Variants in MED12L observed in about 807,000 individuals in gnomAD.
The protein encoded by MED12L is mediator of RNA polymerase II transcription subunit 12-like protein.
In MED12L, 60 loss-of-function variants were observed where a neutral mutation model predicts 281.3. The observed-to-expected ratio is 0.21, with a 90% CI of 0.17 to 0.26. MED12L has a LOEUF of 0.26. MED12L is among the 10% of genes least tolerant of loss of function. The pLI is 1.00. For synonymous variants in MED12L, 974 were observed against 987.2 expected, an observed-to-expected ratio of 0.99 and a Z score of 0.25; for missense variants, 2,146 against 2,680.9, an observed-to-expected ratio of 0.80 and a Z score of 4.41.
intron 16 of MED12L, among the ~76,000 whole-genome samples, chr3:151,318,825 A>G (rs192850970): frequency 2.2e-3 from 330 of 152,358 alleles, no homozygotes; most frequent in Middle Eastern, 3.4e-3. Flanking sequence ...ATTTTCCTGT[A>G]TAATGAAGCA....
intron 16 of MED12L, among the ~76,000 whole-genome samples, chr3:151,346,763 C>G (rs568842663): frequency 1.3e-5 from 2 of 152,142 alleles, no homozygotes; most frequent in African/African-American, 4.8e-5. Flanking sequence ...TTGCACCCCT[C>G]CCAGGACTTG....
chr3:151,102,466 T>C (rs183526965), intron 2 of MED12L, among the ~76,000 whole-genome samples: 2 of 152,190 alleles, frequency 1.3e-5, no homozygotes, highest in East Asian at 3.9e-4. Context: ...TGAACAAAAT[T>C]GCCACCACCA....
intron 19 of MED12L, among the ~76,000 whole-genome samples, chr3:151,356,389 C>T (rs1231061356): frequency 6.6e-6 from 1 of 151,892 alleles, no homozygotes; most frequent in East Asian, 1.9e-4. Flanking sequence ...AAGGCCCTGT[C>T]TCAAAAATAA....
intron 27 of MED12L, among the ~76,000 whole-genome samples, chr3:151,374,358 G>A (rs1456576001): frequency 6.6e-6 from 1 of 152,116 alleles, no homozygotes; most frequent in Non-Finnish European, 1.5e-5. Context: ...GACCAGCCTG[G>A]CCAACATGGT....
At chr3:151,184,652 T>G (rs1339396493) in intron 11 of MED12L, among the ~76,000 whole-genome samples, 1 of 152,192 alleles carries the variant, frequency 6.6e-6, no homozygotes, top group Non-Finnish European at 1.5e-5. Flanking sequence ...CTGGTGCCTA[T>G]TTCTAGGCCA....
intron 27 of MED12L, among the ~76,000 whole-genome samples, chr3:151,374,608 A>G (rs984950718): frequency 6.6e-6 from 1 of 152,214 alleles, no homozygotes. Context: ...GAACAAACCT[A>G]CCTAAAAGGC....
At chr3:151,350,884 T>C (rs1034967565) in intron 17 of MED12L, among the ~76,000 whole-genome samples, 1 of 152,224 alleles carries the variant, frequency 6.6e-6, no homozygotes, top group African/African-American at 2.4e-5. Flanking sequence ...TTTGTAATTA[T>C]CCACTTCACG....
intron 16 of MED12L, among the ~76,000 whole-genome samples, chr3:151,217,083 G>C (rs1728388939): frequency 6.6e-6 from 1 of 152,048 alleles, no homozygotes; most frequent in Non-Finnish European, 1.5e-5. Context: ...TGTTATTTTG[G>C]AAAACAGAAA....
chr3:151,300,737 C>A (rs1745796418), intron 16 of MED12L, among the ~76,000 whole-genome samples: 1 of 152,190 alleles, frequency 6.6e-6, no homozygotes. Context: ...TAACCTCATT[C>A]TGTCCAATCA....
intron 32 of MED12L, among the ~76,000 whole-genome samples, chr3:151,380,872 G>A (rs934343944): frequency 2.0e-5 from 3 of 152,188 alleles, no homozygotes; most frequent in Admixed American, 2.0e-4. Context: ...AGTGAGTCCA[G>A]CTCCTCAAGC....
chr3:151,256,368 T>C (rs187463608), intron 16 of MED12L, among the ~76,000 whole-genome samples: 1 of 152,296 alleles, frequency 6.6e-6, no homozygotes, highest in East Asian at 1.9e-4. Context: ...GGAGATATTC[T>C]CATCTGTGCT....
At chr3:151,308,783 A>G (rs561969365) in intron 16 of MED12L, among the ~76,000 whole-genome samples, 2 of 152,286 alleles carry the variant, frequency 1.3e-5, no homozygotes, top group Non-Finnish European at 2.9e-5. Context: ...ATATGGTGCA[A>G]GTATTCTCCA....
At chr3:151,172,502 C>A (rs1301865724) in intron 11 of MED12L, among the ~76,000 whole-genome samples, 1 of 152,244 alleles carries the variant, frequency 6.6e-6, no homozygotes, top group East Asian at 1.9e-4. Context: ...GTCTACTAAT[C>A]ATAAGGCACA....
intron 5 of MED12L, among the ~76,000 whole-genome samples, chr3:151,152,439 T>G (rs1490937746): frequency 6.6e-6 from 1 of 152,102 alleles, no homozygotes; most frequent in African/African-American, 2.4e-5. Flanking sequence ...ATTGATTGAT[T>G]CCGTAAATAC....
At chr3:151,218,208 C>G (rs1346286620) in intron 16 of MED12L, among the ~76,000 whole-genome samples, 1 of 152,124 alleles carries the variant, frequency 6.6e-6, no homozygotes, top group Admixed American at 6.5e-5. Flanking sequence ...AGAAAAGAAG[C>G]TTTTAGTGTG....
At chr3:151,328,926 G>C (rs1257306724) in intron 16 of MED12L, 1 of 1,613,236 alleles carries the variant, frequency 6.2e-7, no homozygotes, top group African/African-American at 1.3e-5. Flanking sequence ...AATACCAGCT[G>C]TACTATCCGA....
At chr3:151,092,592 CTT>C (rs1202213645) in intron 2 of MED12L, among the ~76,000 whole-genome samples, 1 of 152,208 alleles carries the variant, frequency 6.6e-6, no homozygotes, top group Non-Finnish European at 1.5e-5. Context: ...ATCGAAAACT[CTT>C]AAAGGCATGA....
chr3:151,249,676 G>T (rs965450982), intron 16 of MED12L, among the ~76,000 whole-genome samples: 1 of 151,992 alleles, frequency 6.6e-6, no homozygotes, highest in Non-Finnish European at 1.5e-5. Context: ...GGGGCTTTTG[G>T]GTCTCCAATC....
chr3:151,097,671 G>GGA (rs1720894268), intron 2 of MED12L, among the ~76,000 whole-genome samples: 1 of 152,214 alleles, frequency 6.6e-6, no homozygotes, highest in South Asian at 2.1e-4. Context: ...GATGTTGGCA[G>GGA]TGTCTGGAGA....
Sources: gnomAD v4.1 joint callset for allele counts (sites outside exome capture counted in the v4.1 genomes callset) on GRCh38, gnomAD v4.1.1 for gene constraint, MANE v1.5 for transcripts, NCBI Gene and HGNC (gene_info 2026-07-23, HGNC 2026-07-21) for gene names.